The following TNNI3K variants were observed in gnomAD, a reference collection of about 807,000 sequenced individuals.
The protein encoded by TNNI3K is serine/threonine-protein kinase TNNI3K.
Under a neutral mutation model 114.5 loss-of-function variants are expected in TNNI3K, and 140 were observed. That is an observed-to-expected ratio of 1.22 (90% confidence interval 1.07 to 1.41). TNNI3K has a LOEUF of 1.41. Among genes scored for constraint, TNNI3K ranks in the 40% most tolerant of loss-of-function variants. The pLI is 0.00. For missense variants in TNNI3K, 1,125 were observed against 1,007.6 expected, an observed-to-expected ratio of 1.12 and a Z score of -1.58; for synonymous variants, 347 against 347.5, an observed-to-expected ratio of 1.00 and a Z score of 0.02.
chr1:74,436,011 G>C (rs905188856), intron 17 of TNNI3K, 69 bp from the exon 18 acceptor site: 6 of 1,551,140 alleles, frequency 3.9e-6, no homozygotes, highest in African/African-American at 1.4e-5. Context: ...TCTTCTTTGA[G>C]GGGCCAATTA....
At chr1:74,513,110 C>A (rs1163248304) in intron 23 of TNNI3K, among the ~76,000 whole-genome samples, 1 of 152,198 alleles carries the variant, frequency 6.6e-6, no homozygotes, top group Non-Finnish European at 1.5e-5. Context: ...TAGCACACAG[C>A]TTGCTCAGTC....
At position 74,382,199 on chromosome 1, in the gene TNNI3K, G is replaced by A. The variant is rs186005029; in HGVS notation, c.1772+11807G>A. On this transcript the variant is annotated intron_variant, in intron 17 of 24. Coordinates refer to ENST00000326637, the MANE Select transcript of TNNI3K (RefSeq NM_015978.3). ...GATTCCCAAGAGACAATTCTCAATC[G>A]TTTTTGTCATTTCTATTCATGTTCT... Among the ~76,000 whole-genome samples, 8 of 152,234 alleles carry A rather than the reference G, an allele frequency of 5.3e-5. No homozygotes were observed. In the East Asian group the frequency reaches 7.7e-4, roughly 15 times the overall value.
Position 74,370,329 on chromosome 1 carries a change from T to C in TNNI3K, c.1709T>C (p.Val570Ala), listed in dbSNP as rs780775771. 1 of 1,606,624 alleles carries C rather than the reference T, an allele frequency of 6.2e-7. No individual in the cohort carries two copies. Among genetic ancestry groups the C allele is most frequent in the Middle Eastern group, 1.7e-4 (1 of 6,032 alleles). ...TCTAAATTAATTATTGCAGTAGATGTTGCCAAAGGCATGGAGTACCTTCAC... is the reference window on the plus strand; with the variant it reads ...TCTAAATTAATTATTGCAGTAGATGCTGCCAAAGGCATGGAGTACCTTCAC... ...LQSKLIIAVDVAKGMEYLHNL... is the reference protein window; with the variant it reads ...LQSKLIIAVDAAKGMEYLHNL... Residue 570 changes from valine (V) to alanine (A), a missense_variant, in exon 17 of 25, where the codon GTT becomes GCT. Coordinates refer to ENST00000326637, the MANE Select transcript of TNNI3K (RefSeq NM_015978.3).
At chr1:74,530,426 G>A (rs1646566491) in intron 23 of TNNI3K, among the ~76,000 whole-genome samples, 3 of 152,134 alleles carry the variant, frequency 2.0e-5, no homozygotes, top group Admixed American at 6.6e-5. Flanking sequence ...GAGTTGTTAG[G>A]TGGGGCAAAT....
chr1:74,407,616 G>T (rs1664679339), intron 17 of TNNI3K, among the ~76,000 whole-genome samples: 1 of 152,026 alleles, frequency 6.6e-6, no homozygotes, highest in Non-Finnish European at 1.5e-5. Context: ...TCTCCATTTT[G>T]AAGTACTTAT....
At chr1:74,537,855 T>C (rs1200322633) in intron 23 of TNNI3K, among the ~76,000 whole-genome samples, 1 of 152,208 alleles carries the variant, frequency 6.6e-6, no homozygotes, top group Non-Finnish European at 1.5e-5. Context: ...GGACCTTTAT[T>C]GAGTGCTTAC....
chr1:74,327,046 A>C (rs551273304), intron 5 of TNNI3K, among the ~76,000 whole-genome samples: 1 of 150,992 alleles, frequency 6.6e-6, no homozygotes, highest in Non-Finnish European at 1.5e-5. Context: ...GCGCCACTGC[A>C]CTTCAGCCTG....
intron 23 of TNNI3K, among the ~76,000 whole-genome samples, chr1:74,508,441 G>T (rs1429043827): frequency 2.6e-5 from 4 of 152,114 alleles, no homozygotes; most frequent in African/African-American, 9.7e-5. Context: ...AAAAAATAAA[G>T]TCCCCAAAAT....
chr1:74,319,215 A>G (rs1344398002), intron 5 of TNNI3K, among the ~76,000 whole-genome samples: 5 of 152,184 alleles, frequency 3.3e-5, no homozygotes, highest in Non-Finnish European at 7.4e-5. Context: ...TTAAGTGCAT[A>G]CTTGCTGCTA....
At chr1:74,438,233 C>T (rs1666224422) in intron 19 of TNNI3K, among the ~76,000 whole-genome samples, 1 of 151,812 alleles carries the variant, frequency 6.6e-6, no homozygotes, top group Non-Finnish European at 1.5e-5. Context: ...CCCACATATA[C>T]AATGTTGTGA....
At chr1:74,451,382 C>T (rs945254934) in intron 20 of TNNI3K, among the ~76,000 whole-genome samples, 1 of 152,108 alleles carries the variant, frequency 6.6e-6, no homozygotes, top group Admixed American at 6.6e-5. Context: ...ACATCCTGCA[C>T]ATGTTTCCCG....
chr1:74,331,663 A>C, intron 6 of TNNI3K, 115 bp downstream of exon 6: 1 of 961,458 alleles, frequency 1.0e-6, no homozygotes, highest in South Asian at 2.3e-5. Context: ...TATTTTTGCC[A>C]TATTCTCATC....
chr1:74,268,786 C>A (rs1334031514), intron 4 of TNNI3K, among the ~76,000 whole-genome samples: 3 of 151,750 alleles, frequency 2.0e-5, no homozygotes, highest in African/African-American at 7.2e-5. Flanking sequence ...ATATGCAGCT[C>A]AAATTTAACA....
chr1:74,329,053 T>G (rs145353963), intron 5 of TNNI3K, among the ~76,000 whole-genome samples: 3 of 152,256 alleles, frequency 2.0e-5, no homozygotes, highest in African/African-American at 7.2e-5. Context: ...TACTGACAGA[T>G]GGCTTCTTCC....
chr1:74,370,795 C>T (rs1342978916), intron 17 of TNNI3K: 3 of 153,188 alleles, frequency 2.0e-5, no homozygotes, highest in Admixed American at 6.6e-5. Flanking sequence ...ACCGTAAATT[C>T]AGCTTAACCA....
chr1:74,281,492 T>A (rs1331809841), intron 5 of TNNI3K, among the ~76,000 whole-genome samples: 3 of 152,144 alleles, frequency 2.0e-5, no homozygotes, highest in Non-Finnish European at 2.9e-5. Flanking sequence ...AAATGTGGTA[T>A]CCTAGGTAGG....
chr1:74,487,695 AAGAT>A (rs1234374613), intron 21 of TNNI3K, among the ~76,000 whole-genome samples: 2 of 152,272 alleles, frequency 1.3e-5, no homozygotes, highest in African/African-American at 2.4e-5. Flanking sequence ...AGTAGGGAAA[AAGAT>A]AGGCAGATGG....
chr1:74,354,227 C>A, intron 11 of TNNI3K, 98 bp downstream of exon 11: 1 of 1,546,196 alleles, frequency 6.5e-7, no homozygotes, highest in Non-Finnish European at 8.8e-7. Flanking sequence ...ATGACTTGAA[C>A]ACTCTCATTT....
At chr1:74,357,609 T>C (rs1661732294) in intron 11 of TNNI3K, among the ~76,000 whole-genome samples, 1 of 152,158 alleles carries the variant, frequency 6.6e-6, no homozygotes, top group African/African-American at 2.4e-5. Flanking sequence ...AAGAATGCTT[T>C]CTATTTGCAT....
Sources: allele counts gnomAD v4.1 joint callset (sites outside exome capture counted in the v4.1 genomes callset), GRCh38; gene constraint gnomAD v4.1.1; transcripts MANE v1.5; gene names NCBI Gene and HGNC (gene_info 2026-07-23, HGNC 2026-07-21).